The following SPTAN1 variants were observed in gnomAD, a reference collection of about 807,000 sequenced individuals.
SPTAN1 encodes the protein spectrin alpha, non-erythrocytic 1, also known as spectrin alpha chain, non-erythrocytic 1.
In SPTAN1, 61 loss-of-function variants were observed where a neutral mutation model predicts 331.3. The observed-to-expected ratio is 0.18, with a 90% confidence interval of 0.15 to 0.23. The LOEUF (loss-of-function observed/expected upper bound fraction) is 0.23. SPTAN1 is among the 10% of genes least tolerant of loss of function. The pLI is 1.00. For missense variants in SPTAN1, 2,043 were observed against 3,147.9 expected (o/e 0.65, Z 8.40); for synonymous variants, 1,153 against 1,173.9 (o/e 0.98, Z 0.36).
At chr9:128,587,870 G>A (rs1472616935) in intron 20 of SPTAN1, among the ~76,000 whole-genome samples, 172 bp downstream of exon 20, 5 of 152,092 alleles carry the variant, frequency 3.3e-5, no homozygotes, top group Non-Finnish European at 7.3e-5. Context: ...TTTAGAGACA[G>A]AGTCTCACTC....
chr9:128,565,303 CAAAA>C (rs1849890311), intron 1 of SPTAN1, among the ~76,000 whole-genome samples: 1 of 150,832 alleles, frequency 6.6e-6, no homozygotes. Context: ...CCGTCTCAAA[CAAAA>C]AACAAAAAAA....
chr9:128,602,053 T>A (rs560088870), intron 27 of SPTAN1, among the ~76,000 whole-genome samples: 51 of 152,262 alleles, frequency 3.3e-4, no homozygotes, highest in African/African-American at 1.2e-3. Flanking sequence ...TTATTTTAGG[T>A]ACCTTTATAA....
intron 27 of SPTAN1, chr9:128,601,271 G>A (rs10988055): frequency 6.6e-6 from 1 of 152,088 alleles, no homozygotes; most frequent in Admixed American, 6.6e-5. Flanking sequence ...GCCCGGCTGA[G>A]GTTTTTTATG....
In SPTAN1 at chr9:128,633,279, A is replaced by G; in HGVS notation, c.7379A>G (p.Glu2460Gly). The change falls in exon 57 of 57, where the codon GAG becomes GGG. Residue 2460 changes from glutamate (E) to glycine (G), a missense_variant. Glu to Gly is a moderately conservative substitution (Grantham distance 98, BLOSUM62 -2). This residue lies in a region of SPTAN1 where 88 missense variants were observed against 96.5 expected (regional missense o/e 0.91). Transcript: ENST00000372739. ...MKPYVDGKGR[E>G]LPTAFDYVEF... is the part of the protein sequence containing the mutation. ...CCCTACGTGGACGGCAAGGGCCGCG[A>G]GCTCCCCACCGCGTTCGACTACGTG... 1 of 1,613,844 alleles carries G rather than the reference A, an allele frequency of 6.2e-7. No individual in the cohort carries two copies. Among genetic ancestry groups the G allele is most frequent in the Non-Finnish European group, 8.5e-7 (1 of 1,180,000 alleles).
At chr9:128,579,149 T>C (rs1227562074) in intron 9 of SPTAN1, among the ~76,000 whole-genome samples, 1 of 152,206 alleles carries the variant, frequency 6.6e-6, no homozygotes, top group Non-Finnish European at 1.5e-5. Flanking sequence ...ATACCGTTAA[T>C]GCAGTTCCAG....
chr9:128,568,169 A>AT (rs1314360181), intron 2 of SPTAN1, among the ~76,000 whole-genome samples: 1 of 152,198 alleles, frequency 6.6e-6, no homozygotes, highest in Non-Finnish European at 1.5e-5. Context: ...GGGCCCATGG[A>AT]TTTTTTAACT....
At chr9:128,563,197 C>G (rs1023786887) in intron 1 of SPTAN1, among the ~76,000 whole-genome samples, 1 of 151,742 alleles carries the variant, frequency 6.6e-6, no homozygotes, top group Non-Finnish European at 1.5e-5. Context: ...ATGTGTATCA[C>G]TTGAGTCCAG....
chr9:128,582,736 C>G lies in SPTAN1; in HGVS notation c.1693C>G (p.Arg565Gly). The G allele has an allele frequency of 6.2e-7, 1 of 1,613,990 alleles. No individual in the cohort carries two copies. Among genetic ancestry groups the G allele is most frequent in the Non-Finnish European group, 8.5e-7 (1 of 1,180,036 alleles). ...TGCCCTTCACGAGAGAGCCATGCGT[C>G]GCCGGGCCCAGCTAGCCGATTCTTT... The part of the protein sequence containing the change: ...RNALHERAMR[R>G]RAQLADSFHL... The change falls in exon 14 of 57, where the codon CGC becomes GGC. Residue 565 changes from arginine (R) to glycine (G), a missense_variant. Physicochemically the swap from Arg to Gly is moderately radical, Grantham distance 125 (BLOSUM62 -2). Coordinates refer to ENST00000372739, the MANE Select transcript of SPTAN1 (RefSeq NM_001130438.3).
intron 48 of SPTAN1, 58 bp from the exon 49 acceptor site, chr9:128,626,333 A>G (rs543615028): frequency 1.6e-5 from 25 of 1,600,322 alleles, no homozygotes; most frequent in East Asian, 2.2e-5. Context: ...CACCTCCTGC[A>G]CTGCGTCGGC....
At chr9:128,555,290 G>C (rs2132637025) in intron 1 of SPTAN1, 1 of 1,140,342 alleles carries the variant, frequency 8.8e-7, no homozygotes, top group Non-Finnish European at 1.2e-6. Context: ...TTTTCTTCAT[G>C]ATTTTGTTCC....
In SPTAN1 at chr9:128,633,548, C is replaced by T. The variant is rs982558537; in HGVS notation, c.*214C>T. On this transcript the variant is annotated 3_prime_UTR_variant, in exon 57 of 57. Coordinates refer to ENST00000372739, the MANE Select transcript of SPTAN1 (RefSeq NM_001130438.3). ...CCAGATCTGTGTCTTGAAGCAGCTG[C>T]CCTCATTCCGACTTCAGAAAATCGA... The T allele has an allele frequency of 9.5e-7, 1 of 1,057,380 alleles. No individual in the cohort carries two copies. Among genetic ancestry groups the T allele is most frequent in the South Asian group, 1.4e-5 (1 of 69,062 alleles). 65.5% of individuals were successfully genotyped at this position (1,057,380 alleles called of 1,614,324 possible).
rs1357330219 is a variant in SPTAN1 at position 128,582,800 on chromosome 9, A to G, written c.1757A>G (p.Lys586Arg). 6.2e-6 allele frequency: 10 copies of G among 1,613,954 alleles called. No individual in the cohort carries two copies. The highest frequency in any genetic ancestry group is 8.5e-6 in the Non-Finnish European group (10 of 1,180,034). Residue 586 changes from lysine (K) to arginine (R), a missense_variant, in exon 14 of 57, where the codon AAG becomes AGG. Physicochemically the swap from Lys to Arg is conservative, Grantham distance 26 (BLOSUM62 2). Transcript: ENST00000372739. ...QQFFRDSDEL[K>R]SWVNEKMKTA... ...TTTTTCCGTGATTCTGATGAGCTCA[A>G]GAGTTGGGTCAATGAGAAGATGAAA...
At chr9:128,572,664 A>G (rs555147079) in intron 3 of SPTAN1, among the ~76,000 whole-genome samples, 1 of 152,220 alleles carries the variant, frequency 6.6e-6, no homozygotes, top group African/African-American at 2.4e-5. Flanking sequence ...CTAACTCAGT[A>G]CCTTAGTTTG....
rs189780459 is a variant in SPTAN1, at chr9:128,624,808, C to T, written c.5993-295C>T. The T allele has an allele frequency of 9.5e-5, 54 of 565,850 alleles. No homozygotes were observed. The Middle Eastern group carries it at 1.4e-3, about 15-fold the overall frequency. The allele number at this position is 565,850 out of a possible 1,614,324, so 35.1% of individuals were successfully genotyped here. On this transcript the variant is annotated intron_variant, in intron 46 of 56. Coordinates refer to ENST00000372739, the MANE Select transcript of SPTAN1 (RefSeq NM_001130438.3). Reference sequence around the variant, plus strand: ...CACCACTAGCTGCCCTGGTCAGGGGCGCCACCCAGCTCCTGGGTGAGGGAA... The same window carrying T: ...CACCACTAGCTGCCCTGGTCAGGGGTGCCACCCAGCTCCTGGGTGAGGGAA...
chr9:128,570,623 C>A (rs1344408677), intron 3 of SPTAN1, among the ~76,000 whole-genome samples: 1 of 151,656 alleles, frequency 6.6e-6, no homozygotes, highest in Non-Finnish European at 1.5e-5. Flanking sequence ...CAGGCTTGAG[C>A]CACCGTGCCC....
chr9:128,568,549 G>T (rs1277508263), intron 2 of SPTAN1, among the ~76,000 whole-genome samples: 1 of 152,184 alleles, frequency 6.6e-6, no homozygotes, highest in Non-Finnish European at 1.5e-5. Flanking sequence ...TGGTGAGTGA[G>T]GACCATTGAT....
rs781434997 is a variant in SPTAN1, at chr9:128,592,972, C to A, written c.3156-11C>A. ...ATTCGTGCATGCTTTTGCTGTGCCC[C>A]CTCTGTGCAGGACACGCATAACTAA... On this transcript the variant is annotated splice_polypyrimidine_tract_variant and intron_variant, in intron 22 of 56. Coordinates refer to ENST00000372739, the MANE Select transcript of SPTAN1 (RefSeq NM_001130438.3). 6.2e-7 allele frequency: 1 copy of A among 1,603,836 alleles called. No individual in the cohort carries two copies. The highest frequency in any genetic ancestry group is 8.5e-7 in the Non-Finnish European group (1 of 1,174,520).
intron 10 of SPTAN1, 130 bp downstream of exon 10, chr9:128,579,868 G>A: frequency 5.0e-6 from 4 of 801,296 alleles, no homozygotes; most frequent in Non-Finnish European, 8.4e-6. Context: ...TCCTTTCTCT[G>A]CAGAGGTTTA....
At chr9:128,613,542 C>G in intron 40 of SPTAN1, 57 bp downstream of exon 40, 1 of 1,407,058 alleles carries the variant, frequency 7.1e-7, no homozygotes, top group East Asian at 2.3e-5. Context: ...CTGCCTGACT[C>G]CTAAGGAAAA....
Sources: allele counts gnomAD v4.1 joint callset (sites outside exome capture counted in the v4.1 genomes callset), GRCh38; gene constraint gnomAD v4.1.1; regional missense constraint gnomAD v4.1.1; transcripts MANE v1.5; gene names NCBI Gene and HGNC (gene_info 2026-07-23, HGNC 2026-07-21).